The following SCART1 variants were observed in gnomAD, a reference collection of about 807,000 sequenced individuals.
The protein encoded by SCART1 is scavenger receptor cysteine-rich domain-containing protein SCART1.
SCART1 carries 62 observed loss-of-function variants against 36.2 expected under a neutral mutation model. The ratio of observed to expected loss-of-function variants is 1.71; its 90% CI spans 1.40 to 2.12. SCART1 has a LOEUF of 2.12. Among genes scored for constraint, SCART1 ranks in the 30% most tolerant of loss-of-function variants. SCART1 has a pLI of 0.00. For synonymous variants in SCART1, 487 were observed against 238.7 expected, an observed-to-expected ratio of 2.04 and a Z score of -9.59; for missense variants, 1,041 against 540.5, an observed-to-expected ratio of 1.93 and a Z score of -9.18.
chr10:133,455,985 C>A (rs947911315), intron 1 of SCART1, among the ~76,000 whole-genome samples: 1 of 151,996 alleles, frequency 6.6e-6, no homozygotes, highest in Non-Finnish European at 1.5e-5. Context: ...GACTTCCTTG[C>A]CTGGGGGATG....
Position 133,455,175 on chromosome 10 carries a change from G to C in SCART1, c.68-1062G>C, listed in dbSNP as rs7095840. ...CCCGCTACATGGGAGGCTGAGGCACGAGAATCAGTTCAACCCTGGAGGTGG... is the reference window on the plus strand; with the variant it reads ...CCCGCTACATGGGAGGCTGAGGCACCAGAATCAGTTCAACCCTGGAGGTGG... On this transcript the variant is annotated intron_variant, in intron 1 of 11. Transcript: ENST00000640237. Among the ~76,000 whole-genome samples the C allele has an allele frequency of 5.2e-3, 785 of 152,242 alleles. 6 individuals carry two copies. The highest frequency in any genetic ancestry group is 0.018 in the African/African-American group (744 of 41,518).
Position 133,461,662 on chromosome 10 carries a change from C to T in SCART1, c.1969+1492C>T, listed in dbSNP as rs573359036. Among the ~76,000 whole-genome samples, 4 of 152,212 alleles carry T rather than the reference C, an allele frequency of 2.6e-5. No individual in the cohort carries two copies. The South Asian group carries it at 8.3e-4, about 32-fold the overall frequency. The stretch of plus-strand genomic sequence containing the variant: ...TGGTGTATTATTTCGCCCTCCTCAC[C>T]TCGTCCATCATCTCATTTTTGTGTC... On this transcript the variant is annotated intron_variant, in intron 6 of 11. Transcript: ENST00000640237.
chr10:133,464,688 C>T (rs1382399568), exon 7 of SCART1: 8 of 700,060 alleles, frequency 1.1e-5, no homozygotes, highest in South Asian at 5.9e-5. Context: ...CCTGGGGCGC[C>T]ATGTGCAGCA....
intron 9 of SCART1, 68 bp downstream of exon 9, chr10:133,465,633 A>G (rs1850756977): frequency 6.7e-6 from 4 of 595,074 alleles, no homozygotes; most frequent in Non-Finnish European, 1.2e-5. Context: ...GTCAGTCTTG[A>G]GTGTCACTTC....
chr10:133,458,656 G>C (rs1389872396), exon 4 of SCART1: 1 of 700,454 alleles, frequency 1.4e-6, no homozygotes, highest in Non-Finnish European at 2.6e-6. Flanking sequence ...CAGGTGCTCA[G>C]GTGAAGTCCT....
At position 133,457,675 on chromosome 10, in the gene SCART1, G is replaced by A. The variant is rs1409267799; in HGVS notation, c.682+100G>A. On this transcript the variant is annotated intron_variant, in intron 3 of 11. Coordinates refer to ENST00000640237, the Ensembl canonical transcript of SCART1. ...GGGGGGTGGGCGTTCCCACGGATGG[G>A]CCCCCCTGTCCTGCATGAGACATTG... The A allele has an allele frequency of 5.1e-5, 30 of 592,702 alleles. No homozygotes were observed. The East Asian group carries it at 7.9e-4, about 16-fold the overall frequency. The allele number at this position is 592,702 out of a possible 1,614,324, so 36.7% of individuals were successfully genotyped here.
At chr10:133,458,622 T>C in exon 4 of SCART1, 1 of 698,814 alleles carries the variant, frequency 1.4e-6, no homozygotes, top group African/African-American at 1.8e-5. Flanking sequence ...GGAGCCAGTG[T>C]GGGCATGGTC....
rs1454636941 is a variant in SCART1 at position 133,464,914 on chromosome 10, C to G, written c.2275+3C>G. 1.4e-6 allele frequency: 1 copy of G among 702,786 alleles called. No individual in the cohort carries two copies. 43.5% of individuals were successfully genotyped at this position (702,786 alleles called of 1,614,324 possible). ...ACTCTTGCGACCTTCGAGAGCAGGT[C>G]TGGATTACCTGTGCAGGTGGGCATT... On this transcript the variant is annotated splice_donor_region_variant and intron_variant, in intron 7 of 11. Coordinates refer to ENST00000640237, the Ensembl canonical transcript of SCART1.
chr10:133,459,740 C>T (rs1369540070), exon 6 of SCART1: 1 of 698,918 alleles, frequency 1.4e-6, no homozygotes, highest in Admixed American at 2.0e-5. Flanking sequence ...TGACTCAGTG[C>T]AACGTGTCCG....
chr10:133,463,246 A>AT (rs550073404), intron 6 of SCART1, among the ~76,000 whole-genome samples: 234 of 152,268 alleles, frequency 1.5e-3, no homozygotes, highest in Admixed American at 4.2e-3. Context: ...ACACACTTAA[A>AT]TAATTACTGC....
rs572066226 is a variant in SCART1 at position 133,459,221 on chromosome 10, G to T, written c.1180G>T (p.Ala394Ser). Residue 394 changes from alanine (A) to serine (S), a missense_variant, in exon 5 of 12, where the codon GCC becomes TCC. By Grantham distance (99) the Ala-to-Ser change is moderately conservative. Transcript: ENST00000640237. ...CGGGGACGCTGCCATCTGGCCTGAT[G>T]CCTTTCACTGTGAGGGGACAGAGTC... 4.3e-6 allele frequency: 3 copies of T among 699,696 alleles called. No individual in the cohort carries two copies. In the South Asian group the frequency reaches 4.5e-5, roughly 10 times the overall value. The allele number at this position is 699,696 out of a possible 1,614,324, so 43.3% of individuals were successfully genotyped here.
downstream of SCART1, among the ~76,000 whole-genome samples, chr10:133,469,469 C>T (rs754986044): frequency 1.3e-5 from 2 of 152,120 alleles, no homozygotes; most frequent in Non-Finnish European, 1.5e-5. Context: ...TGGAAAACAT[C>T]ATTCTCAGCA....
intron 1 of SCART1, among the ~76,000 whole-genome samples, chr10:133,455,618 G>C (rs1367855793): frequency 6.6e-6 from 1 of 152,068 alleles, no homozygotes; most frequent in Admixed American, 6.5e-5. Flanking sequence ...GGCCTGGAGA[G>C]GGTGGTTAGG....
At position 133,464,363 on chromosome 10, in the gene SCART1, C is replaced by T. The variant is rs113247921; in HGVS notation, c.1970-243C>T. 2.5e-4 allele frequency: 116 copies of T among 458,630 alleles called. 2 individuals carry two copies. Among genetic ancestry groups the T allele is most frequent in the Middle Eastern group, 5.5e-4 (1 of 1,804 alleles). The allele number at this position is 458,630 out of a possible 1,614,324, so 28.4% of individuals were successfully genotyped here. ...ACCTGGGTGCTGCAGTGAACCTGGGCGTGCAGTGAACCTGGGCGTGCAGAT... is the reference window on the plus strand; with the variant it reads ...ACCTGGGTGCTGCAGTGAACCTGGGTGTGCAGTGAACCTGGGCGTGCAGAT... On this transcript the variant is annotated intron_variant, in intron 6 of 11. Transcript: ENST00000640237.
intron 6 of SCART1, among the ~76,000 whole-genome samples, chr10:133,460,496 A>ATATATATATATATTTTTTTTTTTT: frequency 1.5e-5 from 2 of 136,014 alleles, no homozygotes; most frequent in African/African-American, 2.7e-5. Flanking sequence ...ATATTTATAT[A>ATATATATATATATTTTTTTTTTTT]TTTTAAAAAA....
exon 5 of SCART1, chr10:133,459,037 C>A (rs539986827): frequency 1.4e-6 from 1 of 691,990 alleles, no homozygotes; most frequent in African/African-American, 1.8e-5. Context: ...GGATGGTCAA[C>A]GGCAGCAGCA....
At chr10:133,467,407 A>G in intron 11 of SCART1, 54 bp downstream of exon 11, 1 of 659,744 alleles carries the variant, frequency 1.5e-6, no homozygotes, top group South Asian at 1.7e-5. Flanking sequence ...ACGGATGCTG[A>G]CCACAAGATG....
exon 6 of SCART1, chr10:133,459,817 C>G (rs766424426): frequency 6.5e-5 from 40 of 614,610 alleles, no homozygotes; most frequent in Non-Finnish European, 1.1e-4. Context: ...GAGGTCGGAA[C>G]CGCGTCCCCC....
chr10:133,462,729 A>G (rs746729764), intron 6 of SCART1, among the ~76,000 whole-genome samples: 4 of 152,134 alleles, frequency 2.6e-5, no homozygotes, highest in Non-Finnish European at 5.9e-5. Context: ...GGCTGAAGGC[A>G]GGAGTAGTGG....
Sources: allele counts gnomAD v4.1 joint callset (sites outside exome capture counted in the v4.1 genomes callset), GRCh38; gene constraint gnomAD v4.1.1; transcripts MANE v1.5; gene names NCBI Gene and HGNC (gene_info 2026-07-23, HGNC 2026-07-21).